The following VEPH1 variants were observed in gnomAD, a reference collection of about 807,000 sequenced individuals.
VEPH1 encodes ventricular zone-expressed PH domain-containing protein homolog 1.
In VEPH1, 80 loss-of-function variants were observed where a neutral mutation model predicts 85.2. The ratio of observed to expected loss-of-function variants is 0.94; its 90% confidence interval spans 0.78 to 1.13. VEPH1 has a LOEUF of 1.13. Among genes scored for constraint, VEPH1 ranks in the 50% most tolerant of loss-of-function variants. The pLI is 0.00. For synonymous variants in VEPH1, 297 were observed against 348.0 expected, an observed-to-expected ratio of 0.85 and a Z score of 1.63; for missense variants, 955 against 980.5, an observed-to-expected ratio of 0.97 and a Z score of 0.35.
intron 7 of VEPH1, among the ~76,000 whole-genome samples, chr3:157,368,476 G>GGTT (rs1553772835): frequency 1.4e-5 from 2 of 140,388 alleles, no homozygotes; most frequent in African/African-American, 5.6e-5. Flanking sequence ...TAAACAATAA[G>GGTT]TTTTTTGTTT....
chr3:157,468,711 C>A (rs1736625957), intron 3 of VEPH1, among the ~76,000 whole-genome samples: 1 of 152,004 alleles, frequency 6.6e-6, no homozygotes, highest in Non-Finnish European at 1.5e-5. Context: ...TTATCAAAAT[C>A]AATTTCATCT....
intron 12 of VEPH1, among the ~76,000 whole-genome samples, chr3:157,272,368 C>CTCTT (rs1207336052): frequency 0.09 from 10,659 of 118,776 alleles, 909 homozygotes; most frequent in East Asian, 0.16. Flanking sequence ...TTCTTTCTTT[C>CTCTT]TCTTTCTTTT....
intron 12 of VEPH1, among the ~76,000 whole-genome samples, chr3:157,272,284 CCTTCCTT>C (rs1327652762): frequency 1.5e-4 from 22 of 146,472 alleles, no homozygotes; most frequent in African/African-American, 5.1e-4. Flanking sequence ...TTCCTTCCTT[CCTTCCTT>C]CCTTCCCTTC....
At chr3:157,322,593 G>A (rs894631030) in intron 9 of VEPH1, among the ~76,000 whole-genome samples, 14 of 152,078 alleles carry the variant, frequency 9.2e-5, no homozygotes, top group Admixed American at 3.9e-4. Context: ...GGCCTACAGA[G>A]GCCTGTGAAG....
At chr3:157,502,129 G>A (rs1299773784) in intron 1 of VEPH1, among the ~76,000 whole-genome samples, 1 of 152,142 alleles carries the variant, frequency 6.6e-6, no homozygotes, top group East Asian at 1.9e-4. Context: ...CACTTCTACT[G>A]AAAGCCTCTG....
At chr3:157,444,787 T>A (rs1038167571) in intron 4 of VEPH1, among the ~76,000 whole-genome samples, 1 of 152,238 alleles carries the variant, frequency 6.6e-6, no homozygotes, top group Non-Finnish European at 1.5e-5. Context: ...TTAATTTTTT[T>A]AAGTAATTAC....
chr3:157,478,374 T>C (rs1048389331), intron 2 of VEPH1, among the ~76,000 whole-genome samples: 11 of 152,194 alleles, frequency 7.2e-5, no homozygotes, highest in Non-Finnish European at 1.0e-4. Flanking sequence ...CCTATAAATG[T>C]TCTGCATGGT....
At chr3:157,329,621 CT>C (rs35707587) in intron 9 of VEPH1, among the ~76,000 whole-genome samples, 33,059 of 145,974 alleles carry the variant, frequency 0.23, 4,323 homozygotes, top group Admixed American at 0.42. Context: ...ACAGAGTTGC[CT>C]TTTTTTTTTT....
intron 4 of VEPH1, chr3:157,459,917 GT>G (rs1254181120): frequency 1.3e-6 from 2 of 1,537,182 alleles, no homozygotes; most frequent in Non-Finnish European, 1.7e-6. Context: ...CGGAAATGCA[GT>G]TCTTCAAACT....
intron 4 of VEPH1, among the ~76,000 whole-genome samples, chr3:157,429,577 T>TC (rs1257317344): frequency 1.3e-5 from 2 of 152,366 alleles, no homozygotes; most frequent in East Asian, 3.9e-4. Flanking sequence ...ATAGAATAAG[T>TC]CTAAAACAGG....
intron 9 of VEPH1, among the ~76,000 whole-genome samples, chr3:157,320,862 C>T (rs535104306): frequency 6.6e-6 from 1 of 152,090 alleles, no homozygotes; most frequent in East Asian, 1.9e-4. Context: ...TTTTGGAATT[C>T]TTTGTTTCTT....
Position 157,451,594 on chromosome 3 carries a change from C to T in VEPH1, c.529+8587G>A, listed in dbSNP as rs556785849. Among the ~76,000 whole-genome samples, 9 of 152,268 alleles carry T rather than the reference C, an allele frequency of 5.9e-5. No individual in the cohort carries two copies. In the East Asian group the frequency reaches 1.7e-3, roughly 29 times the overall value. ...TACATAGCCCTTGGACAAAGTCTCTCATGATTCACTCATAAGCATAAAAGA... is the reference window on the plus strand; with the variant it reads ...TACATAGCCCTTGGACAAAGTCTCTTATGATTCACTCATAAGCATAAAAGA... On this transcript the variant is annotated intron_variant, in intron 4 of 13. Transcript: ENST00000362010.
chr3:157,439,619 C>A (rs1004545508), intron 4 of VEPH1, among the ~76,000 whole-genome samples: 1 of 152,168 alleles, frequency 6.6e-6, no homozygotes, highest in Admixed American at 6.5e-5. Context: ...ATATAGCCAG[C>A]GTAGCCTAGA....
chr3:157,450,718 A>G (rs1211711681), intron 4 of VEPH1, among the ~76,000 whole-genome samples: 2 of 152,046 alleles, frequency 1.3e-5, no homozygotes, highest in African/African-American at 4.8e-5. Flanking sequence ...GATACTTTTT[A>G]CTAATCACAT....
intron 9 of VEPH1, among the ~76,000 whole-genome samples, chr3:157,361,143 G>T (rs894138143): frequency 4.6e-5 from 7 of 152,120 alleles, no homozygotes; most frequent in African/African-American, 1.7e-4. Context: ...GTAAAGTGTT[G>T]ATTTTGATGG....
At position 157,269,314 on chromosome 3, in the gene VEPH1, G is replaced by A. The variant is rs1714180013; in HGVS notation, c.2129-3652C>T. 3.3e-5 allele frequency among the ~76,000 whole-genome samples: 5 copies of A among 152,158 alleles called. No individual in the cohort carries two copies. In the South Asian group the frequency reaches 1.0e-3, roughly 32 times the overall value. ...TATGATGAGACAGTCAAGACCAAATGATAGGCTTACTAACAACAAAGGATG... is the reference window on the plus strand; with the variant it reads ...TATGATGAGACAGTCAAGACCAAATAATAGGCTTACTAACAACAAAGGATG... On this transcript the variant is annotated intron_variant, in intron 12 of 13. Coordinates refer to ENST00000362010, the MANE Select transcript of VEPH1 (RefSeq NM_001167912.2).
intron 4 of VEPH1, 99 bp from the exon 5 acceptor site, chr3:157,428,587 A>T: frequency 8.6e-7 from 1 of 1,159,312 alleles, no homozygotes; most frequent in South Asian, 1.5e-5. Flanking sequence ...TTACACATTA[A>T]ATAGCACAGA....
intron 12 of VEPH1, among the ~76,000 whole-genome samples, chr3:157,270,872 A>G (rs7636413): frequency 0.62 from 93,731 of 151,062 alleles, 29,258 homozygotes; most frequent in Admixed American, 0.67. Flanking sequence ...TACAAGCCAC[A>G]TGTTACAGCA....
intron 4 of VEPH1, among the ~76,000 whole-genome samples, chr3:157,456,552 G>A (rs982010676): frequency 4.6e-5 from 7 of 152,052 alleles, no homozygotes; most frequent in African/African-American, 1.7e-4. Flanking sequence ...TTTTGTATGT[G>A]GTATAAAGAA....
Sources: allele counts gnomAD v4.1 joint callset (sites outside exome capture counted in the v4.1 genomes callset), GRCh38; gene constraint gnomAD v4.1.1; transcripts MANE v1.5; gene names NCBI Gene and HGNC (gene_info 2026-07-23, HGNC 2026-07-21).